Variants in RXFP2 observed in about 807,000 individuals in gnomAD.
RXFP2 encodes relaxin family peptide receptor 2, also known as relaxin receptor 2.
RXFP2 carries 68 observed loss-of-function variants against 88.6 expected under a neutral mutation model. The observed-to-expected ratio is 0.77, with a 90% CI of 0.63 to 0.94. The LOEUF is 0.94. Among genes scored for constraint, RXFP2 ranks in the 40% least tolerant of loss-of-function variants. The pLI is 0.00. For synonymous variants in RXFP2, 329 were observed against 306.8 expected (o/e 1.07, Z -0.76); for missense variants, 791 against 893.9 (o/e 0.88, Z 1.47).
At position 31,765,950 on chromosome 13, in the gene RXFP2, T is replaced by C; in HGVS notation, c.426-6T>C. ...ATAATGAAGTTTGCTTTACATGTTA[T>C]TTTAGGTCTCTTAAGAAAAACAAAA... On this transcript the variant is annotated splice_polypyrimidine_tract_variant and splice_region_variant and intron_variant, in intron 4 of 17. Coordinates refer to ENST00000298386, the MANE Select transcript of RXFP2 (RefSeq NM_130806.5). The C allele has an allele frequency of 7.0e-7, 1 of 1,428,524 alleles. No homozygotes were observed. Among genetic ancestry groups the C allele is most frequent in the Non-Finnish European group, 9.8e-7 (1 of 1,019,332 alleles). 88.5% of individuals were successfully genotyped at this position (1,428,524 alleles called of 1,614,324 possible). A position where few individuals can be genotyped will look rare whatever the true frequency, so the allele number is the denominator to read the frequency against.
At chr13:31,796,594 C>A (rs1874060521) in intron 16 of RXFP2, among the ~76,000 whole-genome samples, 1 of 152,020 alleles carries the variant, frequency 6.6e-6, no homozygotes, top group Non-Finnish European at 1.5e-5. Flanking sequence ...TCATGATATG[C>A]CTAGATCTGA....
chr13:31,793,114 G>C (rs746660675), intron 16 of RXFP2, 26 bp downstream of exon 16: 2 of 1,577,428 alleles, frequency 1.3e-6, no homozygotes, highest in Non-Finnish European at 1.7e-6. Flanking sequence ...TCATTTCCTG[G>C]AAAAACATAA....
chr13:31,754,257 G>A (rs115648421), intron 1 of RXFP2, among the ~76,000 whole-genome samples: 12 of 152,210 alleles, frequency 7.9e-5, no homozygotes, highest in Admixed American at 4.6e-4. Flanking sequence ...TCAGCTGGGC[G>A]CAGTGGCTCA....
chr13:31,790,206 TC>T (rs1267256506), intron 14 of RXFP2, among the ~76,000 whole-genome samples: 2 of 152,140 alleles, frequency 1.3e-5, no homozygotes, highest in African/African-American at 4.8e-5. Flanking sequence ...TATTGAAACA[TC>T]CCCACCTTGT....
Position 31,802,464 on chromosome 13 carries a change from G to A in RXFP2, c.*59G>A. On this transcript the variant is annotated 3_prime_UTR_variant, in exon 18 of 18. Transcript: ENST00000298386. ...TACCTAAAACAGGGGACAGCTTTTG[G>A]AAGATGACATCTGCAATGCTTTTCA... 6.4e-7 allele frequency: 1 copy of A among 1,554,768 alleles called. No homozygotes were observed. Among genetic ancestry groups the A allele is most frequent in the Non-Finnish European group, 8.8e-7 (1 of 1,131,308 alleles).
At chr13:31,762,037 A>T (rs1872325479) in intron 3 of RXFP2, among the ~76,000 whole-genome samples, 1 of 152,236 alleles carries the variant, frequency 6.6e-6, no homozygotes, top group African/African-American at 2.4e-5. Flanking sequence ...ATATATAAGT[A>T]TTGAATAATT....
At chr13:31,794,496 C>T (rs1566237349) in intron 16 of RXFP2, among the ~76,000 whole-genome samples, 1 of 151,856 alleles carries the variant, frequency 6.6e-6, no homozygotes, top group African/African-American at 2.4e-5. Flanking sequence ...GGAGAAACAA[C>T]AGATCCAGCC....
chr13:31,767,918 C>T (rs1044472469), intron 5 of RXFP2, among the ~76,000 whole-genome samples: 4 of 152,132 alleles, frequency 2.6e-5, no homozygotes, highest in Admixed American at 1.3e-4. Flanking sequence ...GGCGGAGTCA[C>T]TAGAGGCTCA....
rs748532649 is a variant in RXFP2, at chr13:31,797,404, C to T, written c.1990C>T (p.Arg664Trp). The T allele has an allele frequency of 9.0e-5, 146 of 1,613,276 alleles. No individual in the cohort carries two copies. Among genetic ancestry groups the T allele is most frequent in the Non-Finnish European group, 1.0e-4 (121 of 1,179,410 alleles). Reference sequence around the variant, plus strand: ...TGTAGTTAAAATCCTTTCCCTCTTCCGGGTGGAAATACCAGGTCAGTCTCT... The same window carrying T: ...TGTAGTTAAAATCCTTTCCCTCTTCTGGGTGGAAATACCAGGTCAGTCTCT... ...VFVVKILSLFRVEIPDTMTSW... is the reference protein window; with the variant it reads ...VFVVKILSLFWVEIPDTMTSW... Residue 664 changes from arginine (R) to tryptophan (W), a missense_variant, in exon 17 of 18, where the codon CGG becomes TGG. Physicochemically the swap from Arg to Trp is moderately radical, Grantham distance 101. Transcript: ENST00000298386.
At chr13:31,765,888 T>C (rs1872528021) in intron 4 of RXFP2, 68 bp from the exon 5 acceptor site, 5 of 765,098 alleles carry the variant, frequency 6.5e-6, no homozygotes, top group Admixed American at 2.0e-5. Flanking sequence ...CCCAAGCATG[T>C]GGCTTCTAGG....
chr13:31,767,837 C>T (rs1458788538), intron 5 of RXFP2, among the ~76,000 whole-genome samples: 2 of 152,142 alleles, frequency 1.3e-5, no homozygotes, highest in South Asian at 2.1e-4. Flanking sequence ...CACAGACTGT[C>T]CCACCCCATG....
At position 31,802,529 on chromosome 13, in the gene RXFP2, C is replaced by G; in HGVS notation, c.*124C>G. 1 of 1,030,682 alleles carries G rather than the reference C, an allele frequency of 9.7e-7. No individual in the cohort carries two copies. The highest frequency in any genetic ancestry group is 1.7e-5 in the Admixed American group (1 of 58,608). The allele number at this position is 1,030,682 out of a possible 1,614,324, so 63.8% of individuals were successfully genotyped here. On this transcript the variant is annotated 3_prime_UTR_variant, in exon 18 of 18. Coordinates refer to ENST00000298386, the MANE Select transcript of RXFP2 (RefSeq NM_130806.5). ...AAGCCTTTCTGCACAGAGAGCACAG[C>G]AGAATGGCTCCTGTCACTGCATTCC...
At chr13:31,777,763 T>C (rs185021769) in intron 8 of RXFP2, among the ~76,000 whole-genome samples, 11 of 152,322 alleles carry the variant, frequency 7.2e-5, no homozygotes, top group African/African-American at 2.4e-4. Flanking sequence ...TTATATCCTA[T>C]GTTTATATTT....
At chr13:31,740,558 T>A (rs1871190676) in intron 1 of RXFP2, among the ~76,000 whole-genome samples, 2 of 152,076 alleles carry the variant, frequency 1.3e-5, no homozygotes, top group Non-Finnish European at 2.9e-5. Context: ...TTAGGTTTTT[T>A]AAATATTCAG....
In RXFP2 at chr13:31,792,783, A is replaced by T; in HGVS notation, c.1481A>T (p.Gln494Leu). The T allele has an allele frequency of 6.2e-7, 1 of 1,614,156 alleles. No individual in the cohort carries two copies. The highest frequency in any genetic ancestry group is 8.5e-7 in the Non-Finnish European group (1 of 1,180,020). The change falls in exon 16 of 18, where the codon CAG (glutamine) becomes CTG (leucine). Residue 494 changes from glutamine (Q) to leucine (L), a missense_variant. By Grantham distance (113) the Gln-to-Leu change is moderately radical. Coordinates refer to ENST00000298386, the MANE Select transcript of RXFP2 (RefSeq NM_130806.5). The part of the protein sequence containing the change: ...KYALLWMESV[Q>L]CRLMGFLAML... Reference sequence around the variant, plus strand: ...GCCTTGCTGTGGATGGAGAGCGTGCAGTGCCGCCTCATGGGGTTCCTGGCC... The same window carrying T: ...GCCTTGCTGTGGATGGAGAGCGTGCTGTGCCGCCTCATGGGGTTCCTGGCC...
chr13:31,751,679 C>T (rs1437520390), intron 1 of RXFP2, among the ~76,000 whole-genome samples: 4 of 152,188 alleles, frequency 2.6e-5, no homozygotes, highest in African/African-American at 7.2e-5. Flanking sequence ...GTCAATGAAT[C>T]AGAGAAGAAT....
chr13:31,774,832 A>T, intron 6 of RXFP2, 141 bp downstream of exon 6: 2 of 671,892 alleles, frequency 3.0e-6, no homozygotes, highest in Admixed American at 4.4e-5. Context: ...TAGTTATTAC[A>T]CTGAAAGAAT....
At chr13:31,776,140 T>C (rs865895386) in intron 7 of RXFP2, among the ~76,000 whole-genome samples, 2 of 142,582 alleles carry the variant, frequency 1.4e-5, no homozygotes, top group African/African-American at 5.1e-5. Context: ...CTTTCTTTCT[T>C]TCTCTTTCTC....
chr13:31,797,417 C>T lies in RXFP2; in HGVS notation c.2003C>T (p.Pro668Leu). 1.2e-6 allele frequency: 2 copies of T among 1,609,560 alleles called. No homozygotes were observed. Among genetic ancestry groups the T allele is most frequent in the African/African-American group, 1.3e-5 (1 of 74,900 alleles). ...KILSLFRVEIPDTMTSWIVIF... is the reference protein window; with the variant it reads ...KILSLFRVEILDTMTSWIVIF... ...CTTTCCCTCTTCCGGGTGGAAATAC[C>T]AGGTCAGTCTCTTCTATCATTCCCA... Residue 668 changes from proline to leucine, a missense_variant and splice_region_variant, in exon 17 of 18, where the codon CCA becomes CTA. By Grantham distance (98) the Pro-to-Leu change is moderately conservative. Coordinates refer to ENST00000298386, the MANE Select transcript of RXFP2 (RefSeq NM_130806.5).
Sources: allele counts gnomAD v4.1 joint callset (sites outside exome capture counted in the v4.1 genomes callset), GRCh38; gene constraint gnomAD v4.1.1; transcripts MANE v1.5; gene names NCBI Gene and HGNC (gene_info 2026-07-23, HGNC 2026-07-21).